Variants in PICALM observed in about 807,000 individuals in gnomAD.
PICALM encodes the protein phosphatidylinositol binding clathrin assembly protein.
Under a neutral mutation model 80.5 loss-of-function variants are expected in PICALM, and 40 were observed. That is an observed-to-expected ratio of 0.50 (90% CI 0.39 to 0.65). The LOEUF is 0.65. Ranked by LOEUF, PICALM falls within the 30% of genes least tolerant of loss-of-function variation. The pLI is 0.00. For missense variants in PICALM, 676 were observed against 778.9 expected, an observed-to-expected ratio of 0.87 and a Z score of 1.57; for synonymous variants, 288 against 260.3, an observed-to-expected ratio of 1.11 and a Z score of -1.02.
At chr11:86,062,990 A>C (rs1177515475) in intron 1 of PICALM, among the ~76,000 whole-genome samples, 1 of 151,708 alleles carries the variant, frequency 6.6e-6, no homozygotes, top group Non-Finnish European at 1.5e-5. Flanking sequence ...TCTTGCCAAG[A>C]AGCCTGTAAG....
At chr11:86,054,243 T>C (rs2096236634) in intron 1 of PICALM, among the ~76,000 whole-genome samples, 1 of 152,206 alleles carries the variant, frequency 6.6e-6, no homozygotes, top group African/African-American at 2.4e-5. Flanking sequence ...GAATCATGCA[T>C]TCCTTCTTTC....
chr11:85,996,021 C>T (rs1307504020), intron 12 of PICALM, among the ~76,000 whole-genome samples: 2 of 152,108 alleles, frequency 1.3e-5, no homozygotes, highest in African/African-American at 4.8e-5. Context: ...TGTGCCCCAC[C>T]TTATTCAACA....
chr11:85,977,559 T>C (rs1293961963), intron 17 of PICALM, among the ~76,000 whole-genome samples: 2 of 152,222 alleles, frequency 1.3e-5, no homozygotes, highest in East Asian at 1.9e-4. Flanking sequence ...TTTGAACATA[T>C]GCATGGAGAA....
chr11:86,064,098 T>A (rs915134434), intron 1 of PICALM, among the ~76,000 whole-genome samples: 5 of 152,254 alleles, frequency 3.3e-5, no homozygotes, highest in African/African-American at 1.2e-4. Flanking sequence ...CAGTCTGGTA[T>A]GTTATACGCA....
At chr11:85,988,925 TCC>T (rs2094673852) in intron 13 of PICALM, among the ~76,000 whole-genome samples, 1 of 152,250 alleles carries the variant, frequency 6.6e-6, no homozygotes, top group South Asian at 2.1e-4. Context: ...CACTATCGTG[TCC>T]TCTAATGTGT....
chr11:86,068,816 G>A lies in PICALM; in HGVS notation c.-36C>T. On this transcript the variant is annotated 5_prime_UTR_variant, in exon 1 of 20. Transcript: ENST00000393346. ...CCTCCACCACCCCACCCGCTCAGCA[G>A]CCGGCGGGGACTGGGACCCCCAAGA... 1.9e-6 allele frequency: 3 copies of A among 1,571,176 alleles called. No homozygotes were observed. The South Asian group carries it at 3.4e-5, about 18-fold the overall frequency.
intron 4 of PICALM, among the ~76,000 whole-genome samples, chr11:86,019,539 TAA>T (rs1485097807): frequency 6.6e-6 from 1 of 152,218 alleles, no homozygotes; most frequent in African/African-American, 2.4e-5. Flanking sequence ...CTGAAATCTG[TAA>T]ATACACTGAA....
At chr11:86,053,090 G>C (rs1388931908) in intron 1 of PICALM, among the ~76,000 whole-genome samples, 1 of 152,134 alleles carries the variant, frequency 6.6e-6, no homozygotes, top group African/African-American at 2.4e-5. Flanking sequence ...ACAGCTATCT[G>C]CATACGTCAT....
In PICALM at chr11:85,986,544, C is replaced by T. The variant is rs6592266; in HGVS notation, c.1409-2571G>A. Among the ~76,000 whole-genome samples the T allele has an allele frequency of 7.6e-3, 1,155 of 151,062 alleles. 14 individuals carry two copies. The highest frequency in any genetic ancestry group is 0.027 in the African/African-American group (1,108 of 41,150). Reference sequence around the variant, plus strand: ...TAGCTGGGACTACAGGCGCCCGCCACCGCGCCCGGCTAATTTTTTGTATTT... The same window carrying T: ...TAGCTGGGACTACAGGCGCCCGCCATCGCGCCCGGCTAATTTTTTGTATTT... On this transcript the variant is annotated intron_variant, in intron 13 of 19. Coordinates refer to ENST00000393346, the MANE Select transcript of PICALM (RefSeq NM_007166.4).
chr11:86,036,089 G>A (rs1252402547), intron 1 of PICALM, among the ~76,000 whole-genome samples: 3 of 151,744 alleles, frequency 2.0e-5, no homozygotes, highest in Non-Finnish European at 4.4e-5. Context: ...GAAACAAAAA[G>A]CATATTCATC....
intron 12 of PICALM, among the ~76,000 whole-genome samples, chr11:85,991,027 G>A (rs574199746): frequency 4.2e-4 from 64 of 152,202 alleles, no homozygotes; most frequent in African/African-American, 5.1e-4. Flanking sequence ...GTCTTTAAAT[G>A]AATTGCTAAA....
intron 19 of PICALM, among the ~76,000 whole-genome samples, chr11:85,967,088 G>T (rs540672154): frequency 1.3e-5 from 2 of 151,788 alleles, no homozygotes; most frequent in East Asian, 3.9e-4. Context: ...CTGGTTCCAA[G>T]GCTGGTGTTT....
intron 11 of PICALM, among the ~76,000 whole-genome samples, chr11:85,999,591 A>C (rs1232789519): frequency 6.6e-6 from 1 of 152,242 alleles, no homozygotes; most frequent in Admixed American, 6.5e-5. Context: ...AAAAAGAACT[A>C]AATTCAACAA....
intron 17 of PICALM, chr11:85,978,050 G>C: frequency 6.2e-7 from 1 of 1,606,232 alleles, no homozygotes; most frequent in Non-Finnish European, 8.5e-7. Flanking sequence ...TTGCAAAAAG[G>C]CTCGTTTTTG....
rs377201663 is a variant in PICALM at position 86,036,887 on chromosome 11, A to C, written c.131-5276T>G. Among the ~76,000 whole-genome samples the C allele has an allele frequency of 3.0e-3, 438 of 148,474 alleles. 3 individuals are homozygous for C. The highest frequency in any genetic ancestry group is 0.011 in the African/African-American group (420 of 39,876). On this transcript the variant is annotated intron_variant, in intron 1 of 19. Transcript: ENST00000393346. ...AAGGCCGAGGTAGGATGACTGCTTG[A>C]GGTCACGAGTTTGAGACCAGCCTAA...
intron 5 of PICALM, among the ~76,000 whole-genome samples, chr11:86,012,784 A>AG (rs2095420501): frequency 6.6e-6 from 1 of 152,148 alleles, no homozygotes; most frequent in African/African-American, 2.4e-5. Context: ...CTGGTAAAAA[A>AG]GTTATTTGCA....
At chr11:86,025,537 G>A (rs2095636438) in intron 3 of PICALM, among the ~76,000 whole-genome samples, 1 of 286 alleles carries the variant, frequency 3.5e-3, no homozygotes, top group Non-Finnish European at 8.6e-3. Context: ...AACAATGAAA[G>A]CAAATATTAC....
intron 8 of PICALM, 31 bp downstream of exon 8, chr11:86,007,511 T>C (rs367857692): frequency 1.6e-6 from 2 of 1,266,456 alleles, no homozygotes; most frequent in Admixed American, 3.4e-5. Context: ...ACACAACAGA[T>C]AGTGGATTGG....
At chr11:85,984,448 C>T (rs753280639) in intron 13 of PICALM, among the ~76,000 whole-genome samples, 1 of 152,124 alleles carries the variant, frequency 6.6e-6, no homozygotes. Context: ...TCTCTCCATC[C>T]TTCCTTCAAC....
Sources: allele counts gnomAD v4.1 joint callset (sites outside exome capture counted in the v4.1 genomes callset), GRCh38; gene constraint gnomAD v4.1.1; transcripts MANE v1.5; gene names NCBI Gene and HGNC (gene_info 2026-07-23, HGNC 2026-07-21).